Variants in PARD3B observed in about 807,000 individuals in gnomAD.
The protein encoded by PARD3B is partitioning defective 3 homolog B.
A neutral mutation model predicts 130.2 loss-of-function variants in PARD3B; 103 were observed. That is an observed-to-expected ratio of 0.79 (90% CI 0.67 to 0.93). PARD3B has a LOEUF of 0.93. Ranked by LOEUF, PARD3B falls within the 40% of genes least tolerant of loss-of-function variation. The pLI is 0.00. For synonymous variants in PARD3B, 583 were observed against 553.2 expected, an observed-to-expected ratio of 1.05 and a Z score of -0.76; for missense variants, 1,609 against 1,499.2, an observed-to-expected ratio of 1.07 and a Z score of -1.21.
chr2:205,252,285 A>C (rs1236750021), intron 16 of PARD3B, among the ~76,000 whole-genome samples: 1 of 152,200 alleles, frequency 6.6e-6, no homozygotes, highest in Non-Finnish European at 1.5e-5. Context: ...CCCACTCTAC[A>C]CAGATATTGT....
At chr2:204,737,988 A>AG (rs1184573996) in intron 2 of PARD3B, among the ~76,000 whole-genome samples, 100 of 152,312 alleles carry the variant, frequency 6.6e-4, no homozygotes, top group African/African-American at 2.3e-3. Context: ...GTATAATTCA[A>AG]AGTCCAGTCA....
chr2:204,795,713 A>G (rs1163530905), intron 2 of PARD3B, among the ~76,000 whole-genome samples: 1 of 152,206 alleles, frequency 6.6e-6, no homozygotes, highest in Non-Finnish European at 1.5e-5. Context: ...CCATTTTAAT[A>G]TTTAAGCTCG....
intron 18 of PARD3B, among the ~76,000 whole-genome samples, chr2:205,346,903 A>AT (rs2043814440): frequency 6.6e-6 from 1 of 152,018 alleles, no homozygotes; most frequent in African/African-American, 2.4e-5. Flanking sequence ...TAGCGCCATT[A>AT]TCCTAATGGC....
intron 21 of PARD3B, among the ~76,000 whole-genome samples, chr2:205,523,601 CGTGACTGTGTTATCAAAA>C (rs1167087294): frequency 2.0e-5 from 3 of 151,978 alleles, no homozygotes; most frequent in Non-Finnish European, 4.4e-5. Context: ...AACAAAGTAA[CGTGACTGTGTTATCAAAA>C]CTTTCCTTTA....
intron 2 of PARD3B, among the ~76,000 whole-genome samples, chr2:204,926,723 G>C (rs950001457): frequency 1.3e-5 from 2 of 151,850 alleles, no homozygotes; most frequent in African/African-American, 4.8e-5. Context: ...CTTAAATTCT[G>C]GTACAGTATA....
intron 1 of PARD3B, among the ~76,000 whole-genome samples, chr2:204,587,547 A>G (rs1362630544): frequency 6.6e-6 from 1 of 152,228 alleles, no homozygotes; most frequent in Non-Finnish European, 1.5e-5. Flanking sequence ...TATATTTCAG[A>G]TTGAAAGCAA....
intron 18 of PARD3B, among the ~76,000 whole-genome samples, chr2:205,386,476 G>A (rs753108712): frequency 8.5e-5 from 13 of 152,108 alleles, no homozygotes; most frequent in African/African-American, 1.2e-4. Flanking sequence ...GTGAACAAGC[G>A]TGAGGATGTC....
At chr2:204,808,194 T>A (rs1386067693) in intron 2 of PARD3B, among the ~76,000 whole-genome samples, 1 of 152,122 alleles carries the variant, frequency 6.6e-6, no homozygotes, top group Non-Finnish European at 1.5e-5. Context: ...TTGTGTTGCA[T>A]TTCTATTCTT....
At chr2:205,266,188 A>C (rs2040498157) in intron 16 of PARD3B, among the ~76,000 whole-genome samples, 1 of 152,144 alleles carries the variant, frequency 6.6e-6, no homozygotes, top group East Asian at 1.9e-4. Flanking sequence ...TTTATTCAAC[A>C]CTAAAATGCA....
Position 205,321,479 on chromosome 2 carries a change from C to CCT in PARD3B, c.2630+19792_2630+19793dup, listed in dbSNP as rs151064430. On this transcript the variant is annotated intron_variant, in intron 18 of 22. Coordinates refer to ENST00000406610, the MANE Select transcript of PARD3B (RefSeq NM_001302769.2). This position sits in a 1 kb window ranked among gnomAD's most constrained non-coding sequence, Gnocchi z 4.2. ...TTCTCTCTCTTCCTCTCTCTCTTTC[C>CCT]CTCTCTCTCTCTCTCCCCCCGCCCA... Among the ~76,000 whole-genome samples the CCT allele has an allele frequency of 4.0e-5, 6 of 149,416 alleles. No individual in the cohort carries two copies. The highest frequency in any genetic ancestry group is 7.4e-5 in the African/African-American group (3 of 40,706).
intron 3 of PARD3B, among the ~76,000 whole-genome samples, chr2:204,980,949 G>C (rs978986016): frequency 1.3e-5 from 2 of 152,122 alleles, no homozygotes; most frequent in Admixed American, 1.3e-4. Context: ...AATTAGTTTT[G>C]ACATACATAC....
intron 2 of PARD3B, among the ~76,000 whole-genome samples, chr2:204,866,321 T>C (rs1458393809): frequency 6.6e-6 from 1 of 152,182 alleles, no homozygotes; most frequent in Non-Finnish European, 1.5e-5. Context: ...GAGCTTTTGT[T>C]GTGAGTTATT....
intron 4 of PARD3B, among the ~76,000 whole-genome samples, chr2:205,081,748 A>T (rs926723167): frequency 5.9e-5 from 9 of 152,094 alleles, no homozygotes; most frequent in Non-Finnish European, 7.4e-5. Context: ...TTAAGATAAT[A>T]TTATCTTTTG....
At chr2:204,979,135 G>A in intron 3 of PARD3B, among the ~76,000 whole-genome samples, 1 of 151,864 alleles carries the variant, frequency 6.6e-6, no homozygotes, top group Non-Finnish European at 1.5e-5. Context: ...GAACCTGGGA[G>A]GCGGAGCTTG....
chr2:204,581,567 G>GGAATGGCA (rs994119986), intron 1 of PARD3B, among the ~76,000 whole-genome samples: 3 of 152,124 alleles, frequency 2.0e-5, no homozygotes, highest in African/African-American at 7.2e-5. Context: ...TGGTGGGGGA[G>GGAATGGCA]GAATGGCAGA....
intron 2 of PARD3B, among the ~76,000 whole-genome samples, chr2:204,710,494 A>G (rs1436503741): frequency 6.6e-6 from 1 of 152,210 alleles, no homozygotes; most frequent in African/African-American, 2.4e-5. Flanking sequence ...AGTCATTTGA[A>G]GAAATGTGAG....
chr2:205,578,498 C>T (rs767296206), intron 22 of PARD3B, among the ~76,000 whole-genome samples: 2 of 151,868 alleles, frequency 1.3e-5, no homozygotes, highest in Non-Finnish European at 2.9e-5. Context: ...AAATTATTGG[C>T]GAAGTACACA....
At chr2:205,195,203 T>C (rs921528596) in intron 15 of PARD3B, among the ~76,000 whole-genome samples, 2 of 152,198 alleles carry the variant, frequency 1.3e-5, no homozygotes, top group African/African-American at 4.8e-5. Flanking sequence ...TCTTTGCATT[T>C]TTTTATACAT....
At chr2:204,874,969 G>A (rs762194998) in intron 2 of PARD3B, among the ~76,000 whole-genome samples, 6 of 151,928 alleles carry the variant, frequency 3.9e-5, no homozygotes, top group African/African-American at 4.8e-5. Flanking sequence ...CAGTTTATTC[G>A]TTCTCTTCTT....
Sources: allele counts gnomAD v4.1 joint callset (sites outside exome capture counted in the v4.1 genomes callset), GRCh38; gene constraint gnomAD v4.1.1; non-coding constraint Gnocchi (gnomAD v3.1); transcripts MANE v1.5; gene names NCBI Gene and HGNC (gene_info 2026-07-23, HGNC 2026-07-21).